YEATS2: variants seen among roughly 807,000 people sequenced by gnomAD.
YEATS2 encodes the protein YEATS domain-containing protein 2.
Under a neutral mutation model 163.2 loss-of-function variants are expected in YEATS2, and 77 were observed. The observed-to-expected ratio is 0.47, with a 90% CI of 0.39 to 0.57. The LOEUF (loss-of-function observed/expected upper bound fraction) is 0.57, where lower values mean the gene tolerates loss of function less well. Ranked by LOEUF, YEATS2 falls within the 20% of genes least tolerant of loss-of-function variation. The pLI is 0.00. For synonymous variants in YEATS2, 631 were observed against 645.1 expected, an observed-to-expected ratio of 0.98 and a Z score of 0.33; for missense variants, 1,549 against 1,729.8, an observed-to-expected ratio of 0.90 and a Z score of 1.85.
intron 19 of YEATS2, among the ~76,000 whole-genome samples, chr3:183,783,617 T>G (rs1361921643): frequency 1.3e-5 from 2 of 152,194 alleles, no homozygotes; most frequent in African/African-American, 4.8e-5. Context: ...TACCCAACGA[T>G]TAGCTCCCAC....
chr3:183,746,277 C>G (rs2109243713), intron 8 of YEATS2, among the ~76,000 whole-genome samples: 1 of 152,216 alleles, frequency 6.6e-6, no homozygotes, highest in African/African-American at 2.4e-5. Flanking sequence ...TGGTATTAAA[C>G]TCCTGGACTC....
Position 183,758,897 on chromosome 3 carries a change from G to GGCTTCTCAGA in YEATS2, c.1588_1589insGCTTCTCAGA (p.Val530GlyfsTer14), listed in dbSNP as rs1721047527. 5 of 1,593,880 alleles carry GGCTTCTCAGA rather than the reference G, an allele frequency of 3.1e-6. No homozygotes were observed. The East Asian group carries it at 1.1e-4, about 36-fold the overall frequency. On this transcript the variant is annotated frameshift_variant, in exon 13 of 31. Coordinates refer to ENST00000305135, the MANE Select transcript of YEATS2 (RefSeq NM_018023.5). LOFTEE classifies it high-confidence loss of function. ...AAACAAGATCTCCACGGCTTCTCAGGTCTCCCAAGGAACAGGTTCCCCTGT... is the reference window on the plus strand; with the variant it reads ...AAACAAGATCTCCACGGCTTCTCAGGGCTTCTCAGATCTCCCAAGGAACAGGTTCCCCTGT...
chr3:183,782,289 A>G (rs1455644302), intron 19 of YEATS2, among the ~76,000 whole-genome samples: 1 of 150,164 alleles, frequency 6.7e-6, no homozygotes, highest in African/African-American at 2.5e-5. Context: ...TTGTATTTTT[A>G]GTAGAGACGA....
chr3:183,738,866 T>C (rs113496317), intron 8 of YEATS2, among the ~76,000 whole-genome samples: 3,418 of 140,524 alleles, frequency 0.024, 126 homozygotes, highest in African/African-American at 0.087. Context: ...TAAACATACG[T>C]GTGCATGTGT....
chr3:183,798,073 C>T (rs942745335), intron 22 of YEATS2, 22 bp downstream of exon 22: 6 of 1,611,966 alleles, frequency 3.7e-6, no homozygotes, highest in East Asian at 2.2e-5. Flanking sequence ...GCCCACGGGT[C>T]GTCTGTGCTG....
intron 6 of YEATS2, among the ~76,000 whole-genome samples, chr3:183,725,005 AG>A (rs1716923877): frequency 6.8e-6 from 1 of 147,980 alleles, no homozygotes; most frequent in Non-Finnish European, 1.5e-5. Context: ...GGCCTCTCAA[AG>A]TGCTGGAATT....
chr3:183,705,823 A>G (rs966193897), intron 1 of YEATS2, among the ~76,000 whole-genome samples: 3 of 152,030 alleles, frequency 2.0e-5, no homozygotes, highest in Non-Finnish European at 4.4e-5. Flanking sequence ...GCAGATCACG[A>G]GTTGAGGAGA....
Position 183,804,009 on chromosome 3 carries a change from G to T in YEATS2, c.3605G>T (p.Arg1202Leu). 6.2e-7 allele frequency: 1 copy of T among 1,614,020 alleles called. No homozygotes were observed. Among genetic ancestry groups the T allele is most frequent in the Non-Finnish European group, 8.5e-7 (1 of 1,180,020 alleles). ...AAEWQRAMTM[R>L]KVLQEILEKN... ...AAGTGGCAAAGAGCAATGACAATGC[G>T]AAAAGTCTTACAAGAAATCCTGGAG... is the stretch of plus-strand genomic sequence containing the variant. Residue 1202 changes from arginine to leucine, a missense_variant, in exon 27 of 31, where the codon CGA (arginine) becomes CTA (leucine). Physicochemically the swap from Arg to Leu is moderately radical, Grantham distance 102. Coordinates refer to ENST00000305135, the MANE Select transcript of YEATS2 (RefSeq NM_018023.5).
At chr3:183,744,255 G>A (rs1364131242) in intron 8 of YEATS2, among the ~76,000 whole-genome samples, 2 of 151,698 alleles carry the variant, frequency 1.3e-5, no homozygotes, top group East Asian at 3.9e-4. Flanking sequence ...TGAGATTACA[G>A]GTGCCCGCCA....
At chr3:183,727,576 T>C (rs2109095641) in intron 6 of YEATS2, among the ~76,000 whole-genome samples, 1 of 152,302 alleles carries the variant, frequency 6.6e-6, no homozygotes, top group Middle Eastern at 3.4e-3. Context: ...CTGGGCAACT[T>C]GGCCCCCCCA....
intron 19 of YEATS2, among the ~76,000 whole-genome samples, chr3:183,780,909 T>C (rs1723501757): frequency 1.3e-5 from 2 of 152,184 alleles, no homozygotes; most frequent in South Asian, 2.1e-4. Context: ...GAGAATCTCT[T>C]AGCATATTTC....
chr3:183,702,239 G>T (rs1395660181), intron 1 of YEATS2, among the ~76,000 whole-genome samples: 1 of 152,136 alleles, frequency 6.6e-6, no homozygotes, highest in South Asian at 2.1e-4. Context: ...GAGGTCAAGC[G>T]TTCGAGACCA....
intron 8 of YEATS2, among the ~76,000 whole-genome samples, chr3:183,742,931 C>G (rs551397190): frequency 6.6e-6 from 1 of 152,344 alleles, no homozygotes; most frequent in Admixed American, 6.5e-5. Context: ...GATTACAGTT[C>G]ACTCAAGGCT....
rs371335204 is a variant in YEATS2, at chr3:183,797,998, T to A, written c.3173T>A (p.Leu1058His). 9 of 1,614,080 alleles carry A rather than the reference T, an allele frequency of 5.6e-6. No individual in the cohort carries two copies. The East Asian group carries it at 1.3e-4, about 24-fold the overall frequency. ...VLTIPSQLKPLSVNTSGGVQT... is the reference protein window; with the variant it reads ...VLTIPSQLKPHSVNTSGGVQT... The stretch of plus-strand genomic sequence containing the variant: ...ACGATTCCCAGCCAGCTCAAACCAC[T>A]CAGCGTAAACACATCTGGAGGGGTG... Residue 1058 changes from leucine (L) to histidine (H), a missense_variant, in exon 22 of 31, where the codon CTC (leucine) becomes CAC (histidine). By Grantham distance (99) the Leu-to-His change is moderately conservative. Coordinates refer to ENST00000305135, the MANE Select transcript of YEATS2 (RefSeq NM_018023.5).
rs143935977 is a variant in YEATS2 at position 183,736,529 on chromosome 3, A to G, written c.813-189A>G. Among the ~76,000 whole-genome samples, 768 of 152,020 alleles carry G rather than the reference A, an allele frequency of 5.1e-3. 3 individuals carry two copies. Among genetic ancestry groups the G allele is most frequent in the Non-Finnish European group, 8.9e-3 (604 of 68,014 alleles). ...TAATTGAAAGTTTAATAGAGGTTTG[A>G]GTTGAGTTTTTTCTTTTAAAATTTA... is the stretch of plus-strand genomic sequence containing the variant. On this transcript the variant is annotated intron_variant, in intron 7 of 30. Transcript: ENST00000305135.
At chr3:183,794,849 C>T (rs1044007335) in intron 21 of YEATS2, among the ~76,000 whole-genome samples, 7 of 152,040 alleles carry the variant, frequency 4.6e-5, no homozygotes, top group Non-Finnish European at 8.8e-5. Flanking sequence ...CTAGATTTGA[C>T]TTTGACTCTG....
At chr3:183,788,937 T>G (rs1367969288) in intron 20 of YEATS2, among the ~76,000 whole-genome samples, 1 of 152,210 alleles carries the variant, frequency 6.6e-6, no homozygotes, top group African/African-American at 2.4e-5. Context: ...TTTTGAGAAA[T>G]GTGTGTTGAG....
chr3:183,757,301 A>G (rs533942305), intron 12 of YEATS2, among the ~76,000 whole-genome samples: 1 of 151,970 alleles, frequency 6.6e-6, no homozygotes, highest in South Asian at 2.1e-4. Flanking sequence ...TAATTTATTA[A>G]TTTATTGAGA....
At chr3:183,806,259 G>T (rs1454203626) in intron 27 of YEATS2, 1 of 455,726 alleles carries the variant, frequency 2.2e-6, no homozygotes, top group African/African-American at 2.0e-5. Flanking sequence ...GCTGGAGCTT[G>T]TTAGAGCCCA....
Sources: gnomAD v4.1 joint callset for allele counts (sites outside exome capture counted in the v4.1 genomes callset) on GRCh38, gnomAD v4.1.1 for gene constraint, MANE v1.5 for transcripts, NCBI Gene and HGNC (gene_info 2026-07-23, HGNC 2026-07-21) for gene names.